Variants in ENPP5 observed in about 807,000 individuals in gnomAD.
ENPP5 encodes the protein ectonucleotide pyrophosphatase/phosphodiesterase family member 5.
A neutral mutation model predicts 33.7 loss-of-function variants in ENPP5; 27 were observed. That is an observed-to-expected ratio of 0.80 (90% confidence interval 0.59 to 1.11). The LOEUF is 1.11. Ranked by LOEUF, ENPP5 falls within the 50% of genes least tolerant of loss-of-function variation. ENPP5 has a pLI of 0.00. For missense variants in ENPP5, 552 were observed against 579.2 expected, an observed-to-expected ratio of 0.95 and a Z score of 0.48; for synonymous variants, 199 against 200.5, an observed-to-expected ratio of 0.99 and a Z score of 0.06.
chr6:46,167,519 C>T lies in ENPP5; in HGVS notation c.744G>A (p.Arg248=), dbSNP rs1165889175. The change falls in exon 3 of 5, where the codon AGG becomes AGA. Residue 248 remains arginine, a synonymous_variant. Coordinates refer to ENST00000371383, the MANE Select transcript of ENPP5 (RefSeq NM_001290072.2). ...CCAGGTACTGGTCAAGTTCTATTAA[C>T]CTTTCCTCAGAGCACTGCGTCATTC... The part of the protein sequence containing the change: ...DHGMTQCSEE[R]LIELDQYLDK... 2 of 1,614,078 alleles carry T rather than the reference C, an allele frequency of 1.2e-6. No individual in the cohort carries two copies. Among genetic ancestry groups the T allele is most frequent in the African/African-American group, 2.7e-5 (2 of 74,930 alleles).
At position 46,161,019 on chromosome 6, in the gene ENPP5, T is replaced by G; in HGVS notation, c.*307A>C. ...TTTAAAGTGCAATACATAAGGTACT[T>G]TACATAGTGCAAAGTTGCTAAATAT... On this transcript the variant is annotated 3_prime_UTR_variant, in exon 5 of 5. Coordinates refer to ENST00000371383, the MANE Select transcript of ENPP5 (RefSeq NM_001290072.2). 1 of 309,722 alleles carries G rather than the reference T, an allele frequency of 3.2e-6. No homozygotes were observed. 19.2% of individuals were successfully genotyped at this position (309,722 alleles called of 1,614,324 possible).
chr6:46,162,551 A>G, intron 4 of ENPP5, among the ~76,000 whole-genome samples: 1 of 152,202 alleles, frequency 6.6e-6, no homozygotes, highest in East Asian at 1.9e-4. Flanking sequence ...GACAGGCTTT[A>G]TCTTAAAGGT....
At position 46,161,393 on chromosome 6, in the gene ENPP5, A is replaced by G; in HGVS notation, c.1367T>C (p.Ile456Thr). The G allele has an allele frequency of 1.9e-6, 3 of 1,613,846 alleles. No individual in the cohort carries two copies. The highest frequency in any genetic ancestry group is 2.5e-6 in the Non-Finnish European group (3 of 1,179,774). ...TTGTAAGGCAGGTATTTGACTGTGA[A>G]TTAAATGCTTAATGAAAATTACAAA... ...VFFVIFIKHL[I>T]HSQIPALQDM... Residue 456 changes from isoleucine (I) to threonine (T), a missense_variant, in exon 5 of 5, where the codon ATT becomes ACT. By Grantham distance (89) the Ile-to-Thr change is moderately conservative (BLOSUM62 -1). Transcript: ENST00000371383.
At chr6:46,164,741 T>TA (rs1216895918) in intron 4 of ENPP5, among the ~76,000 whole-genome samples, 2 of 150,322 alleles carry the variant, frequency 1.3e-5, no homozygotes, top group Non-Finnish European at 3.0e-5. Context: ...TTTTTTTTTT[T>TA]GCTTTTTTTT....
In ENPP5 at chr6:46,161,158, G is replaced by T. The variant is rs1764378250; in HGVS notation, c.*168C>A. The T allele has an allele frequency of 1.2e-5, 7 of 585,520 alleles. No individual in the cohort carries two copies. The highest frequency in any genetic ancestry group is 3.0e-6 in the Non-Finnish European group (1 of 331,488). The allele number at this position is 585,520 out of a possible 1,614,324, so 36.3% of individuals were successfully genotyped here. Reference sequence around the variant, plus strand: ...ATTCCTTTGCAGGTGTAAGTATTTTGGTCCGTGTGTGTGTATGTGTGTGTG... The same window carrying T: ...ATTCCTTTGCAGGTGTAAGTATTTTTGTCCGTGTGTGTGTATGTGTGTGTG... On this transcript the variant is annotated 3_prime_UTR_variant, in exon 5 of 5. Coordinates refer to ENST00000371383, the MANE Select transcript of ENPP5 (RefSeq NM_001290072.2).
Position 46,167,670 on chromosome 6 carries a change from C to A in ENPP5, c.593G>T (p.Gly198Val). ...EDPDDMGHHLGPDSPLMGPVI... is the reference protein window; with the variant it reads ...EDPDDMGHHLVPDSPLMGPVI... Reference sequence around the variant, plus strand: ...AGGCCCCATGAGCGGACTGTCAGGTCCCAAATGGTGGCCCATGTCATCAGG... The same window carrying A: ...AGGCCCCATGAGCGGACTGTCAGGTACCAAATGGTGGCCCATGTCATCAGG... Residue 198 changes from glycine to valine, a missense_variant, in exon 3 of 5, where the codon GGA (glycine) becomes GTA (valine). Transcript: ENST00000371383. The A allele has an allele frequency of 6.2e-7, 1 of 1,614,168 alleles. No homozygotes were observed. The highest frequency in any genetic ancestry group is 8.5e-7 in the Non-Finnish European group (1 of 1,179,992).
intron 3 of ENPP5, 142 bp from the exon 4 acceptor site, chr6:46,165,705 T>C: frequency 1.7e-6 from 1 of 585,094 alleles, no homozygotes; most frequent in Non-Finnish European, 2.8e-6. Flanking sequence ...AAAACAATTT[T>C]GGGAGGGGAA....
intron 4 of ENPP5, among the ~76,000 whole-genome samples, chr6:46,163,241 G>A (rs1764440824): frequency 6.6e-6 from 1 of 150,814 alleles, no homozygotes; most frequent in Non-Finnish European, 1.5e-5. Context: ...TATACTTTAA[G>A]TTTTAGGGTA....
intron 4 of ENPP5, among the ~76,000 whole-genome samples, chr6:46,163,758 T>A (rs1764459945): frequency 6.6e-6 from 1 of 152,148 alleles, no homozygotes; most frequent in Admixed American, 6.5e-5. Context: ...TCATTGTGGT[T>A]TTGATTTGCA....
intron 4 of ENPP5, among the ~76,000 whole-genome samples, chr6:46,163,783 A>C (rs1017549854): frequency 6.6e-6 from 1 of 152,154 alleles, no homozygotes; most frequent in African/African-American, 2.4e-5. Flanking sequence ...TCTGATGGCC[A>C]GTGATGATGA....
intron 2 of ENPP5, among the ~76,000 whole-genome samples, chr6:46,169,163 T>C (rs1348350582): frequency 6.6e-6 from 1 of 152,210 alleles, no homozygotes; most frequent in East Asian, 1.9e-4. Flanking sequence ...CTAAAATACT[T>C]TCATTCTATT....
At chr6:46,166,302 C>CT (rs996958349) in intron 3 of ENPP5, among the ~76,000 whole-genome samples, 9 of 146,276 alleles carry the variant, frequency 6.2e-5, no homozygotes, top group African/African-American at 2.0e-4. Flanking sequence ...CTTTTTCTTT[C>CT]TTTTTTTTCT....
rs761919095 is a variant in ENPP5, at chr6:46,167,820, T to G, written c.443A>C (p.Lys148Thr). 3.1e-6 allele frequency: 5 copies of G among 1,614,088 alleles called. No individual in the cohort carries two copies. The African/African-American group carries it at 5.3e-5, about 17-fold the overall frequency. The change falls in exon 3 of 5, where the codon AAG becomes ACG. Residue 148 changes from lysine to threonine, a missense_variant. Lys to Thr is a moderately conservative substitution (Grantham distance 78). Coordinates refer to ENST00000371383, the MANE Select transcript of ENPP5 (RefSeq NM_001290072.2). ...MWPGTDVKIH[K>T]RFPTHYMPYN... ...AGGCATGTAATGAGTAGGAAAGCGC[T>G]TATGTATTTTTACATCTGTTCCGGG...
rs1466564590 is a variant in ENPP5 at position 46,167,427 on chromosome 6, G to A, written c.829+7C>T. On this transcript the variant is annotated splice_region_variant and intron_variant, in intron 3 of 4. Transcript: ENST00000371383. ...TCTCAGCTCACCATTCATTCAGTCA[G>A]CCTTACCTTCTTTTGGCAAGATGGC... 1.3e-6 allele frequency: 2 copies of A among 1,580,406 alleles called. No individual in the cohort carries two copies. The highest frequency in any genetic ancestry group is 1.7e-6 in the Non-Finnish European group (2 of 1,151,390).
chr6:46,166,997 C>T (rs1452652457), intron 3 of ENPP5, among the ~76,000 whole-genome samples: 3 of 152,182 alleles, frequency 2.0e-5, no homozygotes, highest in Non-Finnish European at 4.4e-5. Flanking sequence ...CTCAGATTGA[C>T]CAAAGCTCTT....
rs536080513 is a variant in ENPP5, at chr6:46,163,224, T to G, written c.1007-1471A>C. ...CCCAATAATTTGCATTTCTTTTTTTTTTTTATTATACTTTAAGTTTTAGGG... is the reference window on the plus strand; with the variant it reads ...CCCAATAATTTGCATTTCTTTTTTTGTTTTATTATACTTTAAGTTTTAGGG... On this transcript the variant is annotated intron_variant, in intron 4 of 4. Coordinates refer to ENST00000371383, the MANE Select transcript of ENPP5 (RefSeq NM_001290072.2). Among the ~76,000 whole-genome samples the G allele has an allele frequency of 7.4e-3, 1,134 of 152,282 alleles. 6 individuals are homozygous for G. The highest frequency in any genetic ancestry group is 0.013 in the Non-Finnish European group (895 of 68,020).
intron 3 of ENPP5, among the ~76,000 whole-genome samples, chr6:46,166,473 C>T (rs1375154511): frequency 2.3e-5 from 3 of 130,962 alleles, no homozygotes; most frequent in Non-Finnish European, 3.2e-5. Context: ...TTTTTAGCAA[C>T]AGAGTCTTGC....
rs1224982155 is a variant in ENPP5, at chr6:46,159,883, G to A, written c.*1443C>T. On this transcript the variant is annotated 3_prime_UTR_variant, in exon 5 of 5. Coordinates refer to ENST00000371383, the MANE Select transcript of ENPP5 (RefSeq NM_001290072.2). ...CTTCAAGGAAAGTCTTTCTTTTCAG[G>A]GCTTCCTCTTTCCTCTAAGAAGCCA... is the stretch of plus-strand genomic sequence containing the variant. 1 of 151,920 alleles carries A rather than the reference G, an allele frequency of 6.6e-6. No individual in the cohort carries two copies. The highest frequency in any genetic ancestry group is 1.5e-5 in the Non-Finnish European group (1 of 67,974). The allele number at this position is 151,920 out of a possible 1,614,324, so 9.4% of individuals were successfully genotyped here.
chr6:46,165,418 G>A lies in ENPP5; in HGVS notation c.975C>T (p.His325=). 6.3e-7 allele frequency: 1 copy of A among 1,594,698 alleles called. No homozygotes were observed. Among genetic ancestry groups the A allele is most frequent in the South Asian group, 1.2e-5 (1 of 86,634 alleles). ...PIIAVADEGW[H]ILQNKSDDFL... ...AGTCATCTGACTTATTCTGTAAAAT[G>A]TGCCACCCTTCATCAGCCACTGCTA... The change falls in exon 4 of 5, where the codon CAC becomes CAT. Residue 325 remains histidine, a synonymous_variant. Coordinates refer to ENST00000371383, the MANE Select transcript of ENPP5 (RefSeq NM_001290072.2).
Sources: gnomAD v4.1 joint callset for allele counts (sites outside exome capture counted in the v4.1 genomes callset) on GRCh38, gnomAD v4.1.1 for gene constraint, MANE v1.5 for transcripts, NCBI Gene and HGNC (gene_info 2026-07-23, HGNC 2026-07-21) for gene names.